AKAP19: variants seen among roughly 807,000 people sequenced by gnomAD.
AKAP19 encodes the protein A-kinase anchoring protein 19.
At chr2:189,977,054 G>T in the AKAP19 span, among the ~76,000 whole-genome samples, 42 of 152,248 alleles carry the variant, frequency 2.8e-4, no homozygotes, top group East Asian at 7.9e-3. Context: ...GAAATCACCC[G>T]TCCTCTGCAT....
At chr2:189,893,939 T>C in the AKAP19 span, among the ~76,000 whole-genome samples, 1 of 152,160 alleles carries the variant, frequency 6.6e-6, no homozygotes, top group African/African-American at 2.4e-5. Flanking sequence ...GATGACTGTA[T>C]ATATAAATTT....
chr2:189,885,549 C>T, the AKAP19 span, among the ~76,000 whole-genome samples: 41 of 152,276 alleles, frequency 2.7e-4, no homozygotes, highest in Admixed American at 1.4e-3. Context: ...CGTTAACCCC[C>T]AGAACCATGA....
the AKAP19 span, among the ~76,000 whole-genome samples, chr2:189,957,296 T>C: frequency 1.1e-4 from 16 of 152,376 alleles, no homozygotes; most frequent in Admixed American, 2.0e-4. Flanking sequence ...TTCCGTTACA[T>C]AGAAATTTTC....
chr2:189,989,690 A>C, the AKAP19 span, among the ~76,000 whole-genome samples: 1 of 152,184 alleles, frequency 6.6e-6, no homozygotes, highest in South Asian at 2.1e-4. Flanking sequence ...ATTTTAAAAG[A>C]AGTAGAACCC....
the AKAP19 span, among the ~76,000 whole-genome samples, chr2:190,179,419 A>G: frequency 1.3e-5 from 2 of 152,170 alleles, no homozygotes; most frequent in African/African-American, 4.8e-5. The surrounding 1 kb of genome is among the most constrained non-coding windows in gnomAD (Gnocchi z 6.0). Flanking sequence ...AAAAAAAGAA[A>G]AAAAAAATGA....
chr2:189,948,076 C>T, the AKAP19 span, among the ~76,000 whole-genome samples: 1 of 152,100 alleles, frequency 6.6e-6, no homozygotes, highest in African/African-American at 2.4e-5. Flanking sequence ...AGACTTATCA[C>T]AGCGGTAAGT....
At chr2:190,156,393 A>G in the AKAP19 span, among the ~76,000 whole-genome samples, 1 of 152,212 alleles carries the variant, frequency 6.6e-6, no homozygotes, top group Non-Finnish European at 1.5e-5. Flanking sequence ...CCTAGAAGTT[A>G]TAAAGGACAA....
the AKAP19 span, among the ~76,000 whole-genome samples, chr2:190,067,638 T>C: frequency 6.6e-6 from 1 of 152,182 alleles, no homozygotes; most frequent in South Asian, 2.1e-4. Context: ...TTAGTAGTCT[T>C]AAGGGATTTC....
the AKAP19 span, among the ~76,000 whole-genome samples, chr2:190,018,010 G>A: frequency 6.6e-6 from 1 of 152,072 alleles, no homozygotes; most frequent in Admixed American, 6.5e-5. Flanking sequence ...TGAGAAATCT[G>A]CTGATAGCTT....
At chr2:190,083,983 A>T in the AKAP19 span, among the ~76,000 whole-genome samples, 1 of 152,198 alleles carries the variant, frequency 6.6e-6, no homozygotes, top group East Asian at 1.9e-4. Flanking sequence ...ATAATATATT[A>T]TACCAGAGCT....
At chr2:190,077,334 C>T in the AKAP19 span, among the ~76,000 whole-genome samples, 7 of 151,684 alleles carry the variant, frequency 4.6e-5, no homozygotes, top group South Asian at 2.1e-4. Flanking sequence ...CTCAGCCTCC[C>T]GAGTAGTTGG....
At chr2:190,097,859 C>CAAAAAAAAAAAAAAAAAAA in the AKAP19 span, among the ~76,000 whole-genome samples, 3 of 64,524 alleles carry the variant, frequency 4.6e-5, no homozygotes, top group African/African-American at 1.9e-4. Flanking sequence ...TGGTTTCTAC[C>CAAAAAAAAAAAAAAAAAAA]AAAAAAAAAA....
the AKAP19 span, among the ~76,000 whole-genome samples, chr2:189,985,285 T>C: frequency 1.3e-5 from 2 of 152,206 alleles, no homozygotes; most frequent in Non-Finnish European, 2.9e-5. Context: ...TGTTTGAGCT[T>C]TTTTTTCTGA....
the AKAP19 span, among the ~76,000 whole-genome samples, chr2:189,984,083 G>T: frequency 7.2e-5 from 11 of 152,156 alleles, no homozygotes; most frequent in African/African-American, 2.7e-4. Flanking sequence ...CAGGACGGAG[G>T]CAAAATTAAA....
the AKAP19 span, among the ~76,000 whole-genome samples, chr2:190,021,998 C>G: frequency 1.3e-5 from 2 of 152,116 alleles, no homozygotes; most frequent in African/African-American, 4.8e-5. Flanking sequence ...AATGGCATCA[C>G]GTGGTTAGGG....
At chr2:190,025,443 C>T in the AKAP19 span, among the ~76,000 whole-genome samples, 4 of 152,096 alleles carry the variant, frequency 2.6e-5, no homozygotes, top group African/African-American at 7.2e-5. Flanking sequence ...ATTTACTCAT[C>T]TTGGGGTAGA....
the AKAP19 span, among the ~76,000 whole-genome samples, chr2:190,119,048 A>C: frequency 2.0e-5 from 3 of 152,212 alleles, no homozygotes; most frequent in Non-Finnish European, 4.4e-5. Flanking sequence ...ATGTGCAAAA[A>C]TCACAAGCAT....
At chr2:189,923,208 C>A in the AKAP19 span, 5 of 849,656 alleles carry the variant, frequency 5.9e-6, no homozygotes, top group Middle Eastern at 2.3e-4. Context: ...CGGTTGCGGC[C>A]GCGTTGCCGA....
the AKAP19 span, among the ~76,000 whole-genome samples, chr2:190,038,995 CTTCTCTTCT>C: frequency 2.3e-3 from 278 of 121,036 alleles, 5 homozygotes; most frequent in African/African-American, 0.011. Flanking sequence ...TCCTTTCTTT[CTTCTCTTCT>C]TCTTCCTCTT....
Sources: allele counts gnomAD v4.1 joint callset (sites outside exome capture counted in the v4.1 genomes callset), GRCh38; gene constraint gnomAD v4.1.1; non-coding constraint Gnocchi (gnomAD v3.1); transcripts MANE v1.5; gene names NCBI Gene and HGNC (gene_info 2026-07-23, HGNC 2026-07-21).